The following GALNT13 variants were observed in gnomAD, a reference collection of about 807,000 sequenced individuals.
GALNT13 encodes polypeptide N-acetylgalactosaminyltransferase 13, also known as UDP-GalNAc:polypeptide N-acetylgalactosaminyltransferase 13.
A neutral mutation model predicts 64.2 loss-of-function variants in GALNT13; 28 were observed. The observed-to-expected ratio is 0.44, with a 90% CI of 0.32 to 0.60. The LOEUF is 0.60. Among genes scored for constraint, GALNT13 ranks in the 20% least tolerant of loss-of-function variants. The pLI is 0.05. For synonymous variants in GALNT13, 214 were observed against 224.6 expected, an observed-to-expected ratio of 0.95 and a Z score of 0.42; for missense variants, 577 against 669.8, an observed-to-expected ratio of 0.86 and a Z score of 1.53.
chr2:153,895,295 C>T (rs1433874876), intron 1 of GALNT13, among the ~76,000 whole-genome samples: 1 of 152,022 alleles, frequency 6.6e-6, no homozygotes, highest in Non-Finnish European at 1.5e-5. Context: ...TAATTACATC[C>T]CTTATCCTGT....
the GALNT13 span, among the ~76,000 whole-genome samples, chr2:153,689,669 T>C: frequency 6.6e-5 from 10 of 152,162 alleles, 1 homozygote; most frequent in South Asian, 2.1e-3. Flanking sequence ...GATTCTTCCT[T>C]TATATAATTC....
At chr2:153,793,692 T>A in the GALNT13 span, among the ~76,000 whole-genome samples, 1 of 151,888 alleles carries the variant, frequency 6.6e-6, no homozygotes, top group East Asian at 1.9e-4. Context: ...CTTCCCATAT[T>A]ACATGTTATG....
chr2:153,179,315 C>T, the GALNT13 span, among the ~76,000 whole-genome samples: 1 of 152,142 alleles, frequency 6.6e-6, no homozygotes, highest in African/African-American at 2.4e-5. Context: ...ATAAAAGGCA[C>T]ATTTGTTAAA....
At chr2:154,031,332 AG>A (rs1327977357) in intron 3 of GALNT13, among the ~76,000 whole-genome samples, 2 of 152,070 alleles carry the variant, frequency 1.3e-5, no homozygotes, top group South Asian at 2.1e-4. Flanking sequence ...AAAAAAGAGA[AG>A]AAGAGGAAAA....
chr2:154,213,484 A>T (rs1414044847), intron 4 of GALNT13, among the ~76,000 whole-genome samples: 1 of 152,156 alleles, frequency 6.6e-6, no homozygotes, highest in Non-Finnish European at 1.5e-5. Context: ...GAATTTATAA[A>T]CCATATTTAT....
chr2:153,171,501 C>G, the GALNT13 span, among the ~76,000 whole-genome samples: 4 of 152,200 alleles, frequency 2.6e-5, no homozygotes, highest in African/African-American at 7.2e-5. Context: ...CAAGTGTTGA[C>G]AAGAATGTGG....
the GALNT13 span, among the ~76,000 whole-genome samples, chr2:153,837,286 G>T: frequency 1.2e-4 from 19 of 152,184 alleles, no homozygotes; most frequent in South Asian, 2.9e-3. Flanking sequence ...TCATGTGTCT[G>T]TTGGCTGCAT....
the GALNT13 span, among the ~76,000 whole-genome samples, chr2:153,553,728 C>T: frequency 1.3e-5 from 2 of 152,102 alleles, no homozygotes; most frequent in Non-Finnish European, 2.9e-5. Flanking sequence ...TCCCCATTTC[C>T]AGGAACGAGG....
At chr2:153,207,477 G>A in the GALNT13 span, among the ~76,000 whole-genome samples, 1 of 151,984 alleles carries the variant, frequency 6.6e-6, no homozygotes, top group Non-Finnish European at 1.5e-5. Flanking sequence ...ACCCCTACTT[G>A]CGTAACTCAT....
chr2:153,542,901 C>T, the GALNT13 span, among the ~76,000 whole-genome samples: 2 of 152,098 alleles, frequency 1.3e-5, no homozygotes, highest in Admixed American at 1.3e-4. Context: ...AATAAAAGTA[C>T]ACATCTAATA....
chr2:154,169,498 G>C (rs1231643086), intron 4 of GALNT13, among the ~76,000 whole-genome samples: 8 of 152,064 alleles, frequency 5.3e-5, no homozygotes, highest in African/African-American at 1.9e-4. Context: ...AGTCTGAATG[G>C]AATCTTCTTC....
At chr2:153,664,851 AC>A in the GALNT13 span, among the ~76,000 whole-genome samples, 10 of 152,142 alleles carry the variant, frequency 6.6e-5, no homozygotes, top group African/African-American at 2.2e-4. Context: ...GCCCACTTAC[AC>A]CCCTGCCAAC....
At chr2:154,091,954 G>T (rs1484157782) in intron 3 of GALNT13, among the ~76,000 whole-genome samples, 1 of 151,142 alleles carries the variant, frequency 6.6e-6, no homozygotes, top group Non-Finnish European at 1.5e-5. Flanking sequence ...ATATTTTATT[G>T]TACCCTGAGA....
the GALNT13 span, among the ~76,000 whole-genome samples, chr2:153,625,233 A>G: frequency 6.6e-6 from 1 of 151,964 alleles, no homozygotes; most frequent in Non-Finnish European, 1.5e-5. Flanking sequence ...GGCTCAGGGG[A>G]GAGTGGGGGG....
the GALNT13 span, among the ~76,000 whole-genome samples, chr2:153,714,436 C>T: frequency 6.6e-6 from 1 of 152,144 alleles, no homozygotes; most frequent in South Asian, 2.1e-4. Flanking sequence ...TTACTGCATG[C>T]TTTCAAAAAT....
At chr2:154,438,457 C>T in intron 11 of GALNT13, 135 bp from the exon 12 acceptor site, 1 of 570,804 alleles carries the variant, frequency 1.8e-6, no homozygotes, top group South Asian at 2.8e-5. Context: ...GATGAATTAG[C>T]TTTCTCAAGA....
At chr2:153,642,056 A>T in the GALNT13 span, among the ~76,000 whole-genome samples, 1 of 151,994 alleles carries the variant, frequency 6.6e-6, no homozygotes, top group Non-Finnish European at 1.5e-5. Context: ...AGATTAGGTT[A>T]CTGTGTCTAG....
chr2:153,915,270 A>T lies in GALNT13; in HGVS notation c.-105+14263A>T, dbSNP rs1346107829. ...CTAAATTTTGCTTTGTATTAGAGAAAATTTTGGGGAATTGGTAAGGATTTT... is the reference window on the plus strand; with the variant it reads ...CTAAATTTTGCTTTGTATTAGAGAATATTTTGGGGAATTGGTAAGGATTTT... On this transcript the variant is annotated intron_variant, in intron 2 of 12. Coordinates refer to ENST00000392825, the MANE Select transcript of GALNT13 (RefSeq NM_052917.4). Among the ~76,000 whole-genome samples the T allele has an allele frequency of 3.3e-5, 5 of 152,164 alleles. No individual in the cohort carries two copies. The South Asian group carries it at 6.2e-4, about 19-fold the overall frequency.
the GALNT13 span, among the ~76,000 whole-genome samples, chr2:153,227,583 C>T: frequency 3.9e-5 from 6 of 152,106 alleles, no homozygotes; most frequent in South Asian, 2.1e-4. Flanking sequence ...AAAATTTTCT[C>T]GAATTTCTTC....
Sources: gnomAD v4.1 joint callset for allele counts (sites outside exome capture counted in the v4.1 genomes callset) on GRCh38, gnomAD v4.1.1 for gene constraint, MANE v1.5 for transcripts, NCBI Gene and HGNC (gene_info 2026-07-23, HGNC 2026-07-21) for gene names.